Variants in CHRM3 observed in about 807,000 individuals in gnomAD.
The protein encoded by CHRM3 is muscarinic acetylcholine receptor M3.
A neutral mutation model predicts 41.8 loss-of-function variants in CHRM3; 11 were observed. That is an observed-to-expected ratio of 0.26 (90% CI 0.17 to 0.44). CHRM3 has a LOEUF of 0.44. Among genes scored for constraint, CHRM3 ranks in the 20% least tolerant of loss-of-function variants. The pLI is 1.00. For synonymous variants in CHRM3, 297 were observed against 301.4 expected (o/e 0.99, Z 0.15); for missense variants, 571 against 745.4 (o/e 0.77, Z 2.72).
chr1:239,890,391 G>T (rs1193808911), intron 6 of CHRM3, among the ~76,000 whole-genome samples: 1 of 151,812 alleles, frequency 6.6e-6, no homozygotes, highest in Non-Finnish European at 1.5e-5. Flanking sequence ...TAGTTTTAGA[G>T]TTTGGCATAC....
chr1:239,405,719 CA>C (rs1196670940), intron 1 of CHRM3, among the ~76,000 whole-genome samples: 16 of 152,068 alleles, frequency 1.1e-4, no homozygotes, highest in Non-Finnish European at 2.4e-4. Flanking sequence ...TTTAAAGGTT[CA>C]AAATGCACCT....
intron 5 of CHRM3, among the ~76,000 whole-genome samples, chr1:239,685,750 A>G (rs1004768347): frequency 2.0e-5 from 3 of 152,166 alleles, no homozygotes; most frequent in Non-Finnish European, 4.4e-5. Flanking sequence ...TAAACCCAGG[A>G]GGCGGAGGTT....
chr1:239,467,855 C>A (rs2147920204), intron 1 of CHRM3, among the ~76,000 whole-genome samples: 1 of 152,026 alleles, frequency 6.6e-6, no homozygotes, highest in African/African-American at 2.4e-5. Context: ...TCCCGAGTGT[C>A]ATCCTTAAAA....
At chr1:239,874,653 CTG>C (rs200805971) in intron 6 of CHRM3, among the ~76,000 whole-genome samples, 2,041 of 151,404 alleles carry the variant, frequency 0.013, 52 homozygotes, top group African/African-American at 0.047. Flanking sequence ...CAATGTCAGT[CTG>C]TTACCAGGTT....
chr1:239,422,506 A>G (rs1288791807), intron 1 of CHRM3, among the ~76,000 whole-genome samples: 3 of 152,194 alleles, frequency 2.0e-5, no homozygotes, highest in Admixed American at 6.5e-5. Flanking sequence ...AATTAAGAAG[A>G]CAAAGTTGTC....
intron 3 of CHRM3, among the ~76,000 whole-genome samples, chr1:239,592,259 A>G (rs1664256539): frequency 6.6e-6 from 1 of 152,240 alleles, no homozygotes; most frequent in African/African-American, 2.4e-5. Flanking sequence ...TCTTCATTGC[A>G]GTGAAGAGGT....
At chr1:239,634,567 A>G (rs2148887025) in intron 4 of CHRM3, among the ~76,000 whole-genome samples, 1 of 152,018 alleles carries the variant, frequency 6.6e-6, no homozygotes, top group Non-Finnish European at 1.5e-5. Context: ...TTGAAATAAA[A>G]GTTTAGAACT....
At chr1:239,614,754 AACAAAAC>A (rs1667449913) in intron 3 of CHRM3, among the ~76,000 whole-genome samples, 1 of 152,234 alleles carries the variant, frequency 6.6e-6, no homozygotes, top group Non-Finnish European at 1.5e-5. Flanking sequence ...TACCTTATCC[AACAAAAC>A]ACATTTTTTC....
intron 3 of CHRM3, among the ~76,000 whole-genome samples, chr1:239,581,515 A>G (rs1221360116): frequency 1.3e-5 from 2 of 152,100 alleles, no homozygotes; most frequent in African/African-American, 4.8e-5. Flanking sequence ...GAAGACATCT[A>G]TTATGAAGGA....
chr1:239,426,420 C>T (rs1463975886), intron 1 of CHRM3, among the ~76,000 whole-genome samples: 2 of 149,734 alleles, frequency 1.3e-5, no homozygotes, highest in Non-Finnish European at 3.0e-5. Context: ...CTCTGGGAAG[C>T]CAGTCATGAA....
At chr1:239,517,963 G>A (rs762888683) in intron 2 of CHRM3, among the ~76,000 whole-genome samples, 5 of 151,980 alleles carry the variant, frequency 3.3e-5, no homozygotes, top group Admixed American at 6.6e-5. Context: ...AAAATTAGCC[G>A]GACGTGGTGG....
chr1:239,640,599 A>C (rs1024595034), intron 4 of CHRM3, among the ~76,000 whole-genome samples: 2 of 151,326 alleles, frequency 1.3e-5, no homozygotes. Context: ...TTTCTGTGGG[A>C]TCAGTGGTGA....
In CHRM3 at chr1:239,440,305, A is replaced by G. The variant is rs189135425; in HGVS notation, c.-520-52404A>G. ...AGAAGGTGGTTCTTGAAAATGAGTCACACACACACACAAAATGTGAGAAAA... is the reference window on the plus strand; with the variant it reads ...AGAAGGTGGTTCTTGAAAATGAGTCGCACACACACACAAAATGTGAGAAAA... On this transcript the variant is annotated intron_variant, in intron 1 of 6. Transcript: ENST00000676153. 6.2e-4 allele frequency among the ~76,000 whole-genome samples: 89 copies of G among 144,674 alleles called. 1 individual carries two copies. Among genetic ancestry groups the G allele is most frequent in the Non-Finnish European group, 1.2e-3 (80 of 67,460 alleles). 94.9% of individuals were successfully genotyped at this position (144,674 alleles called of 152,430 possible).
intron 6 of CHRM3, among the ~76,000 whole-genome samples, chr1:239,869,897 G>T (rs182701294): frequency 9.2e-5 from 14 of 152,292 alleles, no homozygotes; most frequent in African/African-American, 3.4e-4. Flanking sequence ...ACTGGGGAAA[G>T]AAGAATCTAC....
At chr1:239,574,494 A>G (rs1662142385) in intron 3 of CHRM3, among the ~76,000 whole-genome samples, 1 of 151,912 alleles carries the variant, frequency 6.6e-6, no homozygotes. Flanking sequence ...CATGTCTTTG[A>G]TGGAATCTCA....
At chr1:239,824,444 G>T (rs1297246539) in intron 5 of CHRM3, among the ~76,000 whole-genome samples, 2 of 152,250 alleles carry the variant, frequency 1.3e-5, no homozygotes, top group African/African-American at 4.8e-5. Context: ...TTCATTTATG[G>T]CTGGCATATA....
At chr1:239,438,100 A>G (rs1302079674) in intron 1 of CHRM3, among the ~76,000 whole-genome samples, 1 of 152,204 alleles carries the variant, frequency 6.6e-6, no homozygotes, top group African/African-American at 2.4e-5. Context: ...TTTCAGCCAT[A>G]ACCATATGAC....
At chr1:239,703,161 T>G (rs1424946584) in intron 5 of CHRM3, 1 of 152,136 alleles carries the variant, frequency 6.6e-6, no homozygotes, top group African/African-American at 2.4e-5. Context: ...TTTTGCTCAA[T>G]TATCTTACAA....
intron 1 of CHRM3, among the ~76,000 whole-genome samples, chr1:239,491,917 G>A (rs1283417513): frequency 6.6e-6 from 1 of 152,150 alleles, no homozygotes; most frequent in Non-Finnish European, 1.5e-5. Context: ...TGTGAAGCAA[G>A]TACAACATCA....
Sources: gnomAD v4.1 joint callset for allele counts (sites outside exome capture counted in the v4.1 genomes callset) on GRCh38, gnomAD v4.1.1 for gene constraint, MANE v1.5 for transcripts, NCBI Gene and HGNC (gene_info 2026-07-23, HGNC 2026-07-21) for gene names.